The following SLC8B1 variants were observed in gnomAD, a reference collection of about 807,000 sequenced individuals.
The protein encoded by SLC8B1 is solute carrier family 8 member B1, also known as mitochondrial sodium/calcium exchanger protein.
Under a neutral mutation model 63.4 loss-of-function variants are expected in SLC8B1, and 52 were observed. The ratio of observed to expected loss-of-function variants is 0.82; its 90% CI spans 0.66 to 1.03. The LOEUF is 1.03. Among genes scored for constraint, SLC8B1 ranks in the 50% least tolerant of loss-of-function variants. SLC8B1 has a pLI of 0.00. For missense variants in SLC8B1, 657 were observed against 741.7 expected (o/e 0.89, Z 1.33); for synonymous variants, 336 against 323.9 (o/e 1.04, Z -0.40).
intron 7 of SLC8B1, chr12:113,319,956 C>G (rs1226430107): frequency 2.1e-5 from 4 of 194,420 alleles, no homozygotes; most frequent in Non-Finnish European, 4.3e-5. Context: ...CCATGCCCAG[C>G]TAAGTTTTTT....
chr12:113,328,528 G>A (rs1234660483), intron 2 of SLC8B1, among the ~76,000 whole-genome samples: 1 of 152,100 alleles, frequency 6.6e-6, no homozygotes, highest in African/African-American at 2.4e-5. Context: ...GCCCTTGTCA[G>A]TCTCCAGTAA....
chr12:113,306,443 A>T, intron 14 of SLC8B1, 52 bp downstream of exon 14: 1 of 1,483,708 alleles, frequency 6.7e-7, no homozygotes, highest in Non-Finnish European at 9.2e-7. Context: ...AGCACACCCC[A>T]CCCACGGCTG....
At chr12:113,332,020 C>T (rs1957062262) in intron 2 of SLC8B1, among the ~76,000 whole-genome samples, 3 of 152,178 alleles carry the variant, frequency 2.0e-5, no homozygotes, top group Admixed American at 2.0e-4. Flanking sequence ...CGGGAACACA[C>T]TAAGCTTGTT....
At chr12:113,311,874 G>C (rs1215291235) in intron 11 of SLC8B1, among the ~76,000 whole-genome samples, 1 of 151,854 alleles carries the variant, frequency 6.6e-6, no homozygotes, top group Non-Finnish European at 1.5e-5. Flanking sequence ...CAGCTCCTGA[G>C]ATAATTTTGC....
Position 113,304,438 on chromosome 12 carries a change from A to G in SLC8B1, c.1493-53T>C, listed in dbSNP as rs1956644869. ...GGAATGGCCTGCACATAACCCAACC[A>G]CATAGCCCGTTCCTCCTACTGTGTT... On this transcript the variant is annotated intron_variant, in intron 14 of 15. Transcript: ENST00000680972. The G allele has an allele frequency of 1.6e-5, 25 of 1,519,736 alleles. No homozygotes were observed. The South Asian group carries it at 1.8e-4, about 11-fold the overall frequency. 94.1% of individuals were successfully genotyped at this position (1,519,736 alleles called of 1,614,324 possible).
intron 8 of SLC8B1, 50 bp from the exon 9 acceptor site, chr12:113,317,051 G>A (rs2136845880): frequency 3.9e-6 from 6 of 1,533,276 alleles, no homozygotes; most frequent in African/African-American, 1.4e-5. Flanking sequence ...ATTTTCGAGG[G>A]GGCACACTGG....
chr12:113,311,847 G>A lies in SLC8B1; in HGVS notation c.1136-1492C>T, dbSNP rs375812067. Among the ~76,000 whole-genome samples, 12 of 152,002 alleles carry A rather than the reference G, an allele frequency of 7.9e-5. No individual in the cohort carries two copies. In the South Asian group the frequency reaches 2.1e-3, roughly 26 times the overall value. On this transcript the variant is annotated intron_variant, in intron 11 of 15. Transcript: ENST00000680972. ...GCTTCCTGAGTAGTTGGGACTGTAG[G>A]TGTGTGCCACTGTGCCCAGCTCCTG...
At position 113,315,385 on chromosome 12, in the gene SLC8B1, T is replaced by A. The variant is rs146109840; in HGVS notation, c.1085A>T (p.His362Leu). ...CACAACCAGGGGGCTGATAACCAGA[T>A]GCAGACAGTTGAGGGGCCGTTTCCA... is the stretch of plus-strand genomic sequence containing the variant. ...QNWKRPLNCL[H>L]LVISPLVVVL... The change falls in exon 11 of 16, where the codon CAT (histidine) becomes CTT (leucine). Residue 362 changes from histidine to leucine, a missense_variant. Coordinates refer to ENST00000680972, the MANE Select transcript of SLC8B1 (RefSeq NM_001358345.2). 1.9e-6 allele frequency: 3 copies of A among 1,567,968 alleles called. No homozygotes were observed. Among genetic ancestry groups the A allele is most frequent in the Admixed American group, 3.8e-5 (2 of 52,430 alleles).
At chr12:113,319,122 G>A in intron 7 of SLC8B1, 51 bp from the exon 8 acceptor site, 4 of 1,398,628 alleles carry the variant, frequency 2.9e-6, no homozygotes, top group Non-Finnish European at 3.0e-6. Flanking sequence ...TGCAGGTCTA[G>A]AGAACAACAG....
intron 15 of SLC8B1, among the ~76,000 whole-genome samples, chr12:113,303,406 G>A (rs1011456542): frequency 6.6e-6 from 1 of 152,028 alleles, no homozygotes; most frequent in African/African-American, 2.4e-5. Flanking sequence ...TCAACAACTC[G>A]TGCCTCTGGG....
chr12:113,313,560 G>A (rs1956791402), intron 11 of SLC8B1, among the ~76,000 whole-genome samples: 1 of 152,098 alleles, frequency 6.6e-6, no homozygotes, highest in Non-Finnish European at 1.5e-5. Flanking sequence ...GGCCGACATA[G>A]TGAAACCCCG....
At chr12:113,331,602 C>A (rs763965150) in intron 2 of SLC8B1, among the ~76,000 whole-genome samples, 1 of 152,068 alleles carries the variant, frequency 6.6e-6, no homozygotes, top group Non-Finnish European at 1.5e-5. Flanking sequence ...AGTTCTTCAG[C>A]TTTGGGACTC....
In SLC8B1 at chr12:113,320,600, C is replaced by G. The variant is rs1956911422; in HGVS notation, c.507G>C (p.Leu169=). 2 of 1,614,008 alleles carry G rather than the reference C, an allele frequency of 1.2e-6. No individual in the cohort carries two copies. Among genetic ancestry groups the G allele is most frequent in the East Asian group, 2.2e-5 (1 of 44,894 alleles). Reference sequence around the variant, plus strand: ...TCTCACCAAACAGTGCCCCAAGGGCCAGGCCGGCTGTGTGCGGGTCAGAGA... The same window carrying G: ...TCTCACCAAACAGTGCCCCAAGGGCGAGGCCGGCTGTGTGCGGGTCAGAGA... ...VAFSDPHTAG[L]ALGALFGAGV... Residue 169 remains leucine, a synonymous_variant, in exon 6 of 16, where the codon CTG becomes CTC. Coordinates refer to ENST00000680972, the MANE Select transcript of SLC8B1 (RefSeq NM_001358345.2). This position sits in a 1 kb window ranked among gnomAD's most constrained non-coding sequence, Gnocchi z 5.3.
In SLC8B1 at chr12:113,320,425, C is replaced by A. The variant is rs1319561065; in HGVS notation, c.600G>T (p.Arg200Ser). ...AGAAAACGATGTCCCTGAAGAAGGG[C>A]CTGGAGGCAGCCATGAAGGGGTGTA... ...TILHPFMAAS[R>S]PFFRDIVFYM... is the part of the protein sequence containing the mutation. The change falls in exon 7 of 16, where the codon AGG (arginine) becomes AGT (serine). Residue 200 changes from arginine (R) to serine (S), a missense_variant. Arg to Ser is a moderately radical substitution (Grantham distance 110). Transcript: ENST00000680972. This position sits in a 1 kb window ranked among gnomAD's most constrained non-coding sequence, Gnocchi z 5.3. 3.1e-6 allele frequency: 5 copies of A among 1,614,162 alleles called. No homozygotes were observed. The South Asian group carries it at 5.5e-5, about 18-fold the overall frequency.
intron 7 of SLC8B1, among the ~76,000 whole-genome samples, chr12:113,319,484 C>T (rs1040102896): frequency 2.0e-5 from 3 of 152,182 alleles, no homozygotes; most frequent in African/African-American, 7.2e-5. Context: ...TGTTGCGTGT[C>T]TCTGGCAGGG....
Position 113,320,576 on chromosome 12 carries a change from C to T in SLC8B1, c.526+5G>A. The T allele has an allele frequency of 6.2e-7, 1 of 1,614,060 alleles. No individual in the cohort carries two copies. The highest frequency in any genetic ancestry group is 8.5e-7 in the Non-Finnish European group (1 of 1,180,008). ...CCCCGCCCCCCTCACTGGGGCTGCTCTCACCAAACAGTGCCCCAAGGGCCA... is the reference window on the plus strand; with the variant it reads ...CCCCGCCCCCCTCACTGGGGCTGCTTTCACCAAACAGTGCCCCAAGGGCCA... On this transcript the variant is annotated splice_donor_5th_base_variant and intron_variant, in intron 6 of 15. Coordinates refer to ENST00000680972, the MANE Select transcript of SLC8B1 (RefSeq NM_001358345.2). The surrounding 1 kb of genome is among the most constrained non-coding windows in gnomAD (Gnocchi z 5.3).
At chr12:113,328,179 G>A (rs1004609407) in intron 2 of SLC8B1, among the ~76,000 whole-genome samples, 11 of 151,914 alleles carry the variant, frequency 7.2e-5, no homozygotes, top group Admixed American at 1.3e-4. Flanking sequence ...CCACAGGTGC[G>A]CATCACACGA....
At chr12:113,322,226 G>A (rs761998088) in intron 2 of SLC8B1, among the ~76,000 whole-genome samples, 3 of 152,022 alleles carry the variant, frequency 2.0e-5, no homozygotes, top group South Asian at 4.1e-4. Context: ...AACAGTCTGC[G>A]AGGAAGGAAC....
At position 113,307,110 on chromosome 12, in the gene SLC8B1, C is replaced by CAAAAAAA. The variant is rs67032040; in HGVS notation, c.1412-542_1412-536dup. ...TGGGCGACAGAGCAAGCCTCCATCT[C>CAAAAAAA]AAAAAAAAAAAAAAAAAAAAAAAAA... On this transcript the variant is annotated intron_variant, in intron 13 of 15. Transcript: ENST00000680972. Among the ~76,000 whole-genome samples, 37 of 18,206 alleles carry CAAAAAAA rather than the reference C, an allele frequency of 2.0e-3. 10 individuals are homozygous for CAAAAAAA. The highest frequency in any genetic ancestry group is 6.0e-3 in the Admixed American group (5 of 838). The allele number at this position is 18,206 out of a possible 152,430, so 11.9% of individuals were successfully genotyped here. A position where few individuals can be genotyped will look rare whatever the true frequency, so the allele number is the denominator to read the frequency against.
Sources: allele counts gnomAD v4.1 joint callset (sites outside exome capture counted in the v4.1 genomes callset), GRCh38; gene constraint gnomAD v4.1.1; non-coding constraint Gnocchi (gnomAD v3.1); transcripts MANE v1.5; gene names NCBI Gene and HGNC (gene_info 2026-07-23, HGNC 2026-07-21).